Variants in UNC13C observed in about 807,000 individuals in gnomAD.
UNC13C encodes the protein unc-13 homolog C.
In UNC13C, 174 loss-of-function variants were observed where a neutral mutation model predicts 245.4. The observed-to-expected ratio is 0.71, with a 90% CI of 0.63 to 0.80. UNC13C has a LOEUF of 0.80. Ranked by LOEUF, UNC13C falls within the 30% of genes least tolerant of loss-of-function variation. UNC13C has a pLI of 0.00. For missense variants in UNC13C, 2,829 were observed against 2,602.9 expected (o/e 1.09, Z -1.89); for synonymous variants, 992 against 895.1 (o/e 1.11, Z -1.93).
At chr15:53,935,985 T>C in the UNC13C span, among the ~76,000 whole-genome samples, 3 of 152,172 alleles carry the variant, frequency 2.0e-5, no homozygotes, top group Non-Finnish European at 2.9e-5. Context: ...ATCTGATCAT[T>C]TATTCCCCTA....
chr15:54,475,240 G>C (rs1358374047), intron 19 of UNC13C, among the ~76,000 whole-genome samples: 2 of 150,806 alleles, frequency 1.3e-5, no homozygotes, highest in African/African-American at 4.9e-5. Context: ...AATATATTTT[G>C]AGTTTATTTT....
intron 22 of UNC13C, among the ~76,000 whole-genome samples, chr15:54,504,372 C>T (rs914111983): frequency 1.3e-5 from 2 of 152,068 alleles, no homozygotes; most frequent in Admixed American, 6.6e-5. Flanking sequence ...TCACTTTATA[C>T]ATTTTCTTAT....
the UNC13C span, among the ~76,000 whole-genome samples, chr15:53,908,193 T>C: frequency 6.8e-6 from 1 of 146,524 alleles, no homozygotes; most frequent in African/African-American, 2.4e-5. Flanking sequence ...ATCAGAAACA[T>C]GCATGTGTCC....
the UNC13C span, among the ~76,000 whole-genome samples, chr15:53,898,038 GCTCTATACAAATGTT>G: frequency 6.6e-6 from 1 of 152,238 alleles, no homozygotes; most frequent in African/African-American, 2.4e-5. Flanking sequence ...TAAAAATGCT[GCTCTATACAAATGTT>G]CTCTTATTGG....
At chr15:54,401,428 C>G (rs929176244) in intron 18 of UNC13C, among the ~76,000 whole-genome samples, 2 of 152,026 alleles carry the variant, frequency 1.3e-5, no homozygotes, top group African/African-American at 2.4e-5. Context: ...GTTGACGCAG[C>G]CTTATGAGAA....
intron 2 of UNC13C, among the ~76,000 whole-genome samples, chr15:54,046,921 A>T (rs999915687): frequency 2.6e-5 from 4 of 152,072 alleles, no homozygotes; most frequent in African/African-American, 9.6e-5. Context: ...TAGACATAGT[A>T]ATTCAGATAG....
At chr15:54,050,686 C>G in intron 2 of UNC13C, 1 of 530,234 alleles carries the variant, frequency 1.9e-6, no homozygotes, top group East Asian at 4.8e-5. Flanking sequence ...TCTTTGGAAA[C>G]CGGTGAAGAT....
intron 29 of UNC13C, among the ~76,000 whole-genome samples, chr15:54,566,577 G>T (rs990549671): frequency 6.6e-6 from 1 of 151,828 alleles, no homozygotes. Context: ...CCTGGGGAGG[G>T]TATCTATAAT....
intron 28 of UNC13C, among the ~76,000 whole-genome samples, chr15:54,552,732 TATA>T (rs1896864394): frequency 1.3e-5 from 1 of 76,928 alleles, no homozygotes; most frequent in Non-Finnish European, 2.2e-5. Context: ...CAATATATAA[TATA>T]ATATATATTA....
chr15:53,952,545 T>G, the UNC13C span, among the ~76,000 whole-genome samples: 2 of 152,214 alleles, frequency 1.3e-5, no homozygotes, highest in African/African-American at 2.4e-5. Context: ...GATGGTTATT[T>G]GAAACACCTT....
intron 19 of UNC13C, among the ~76,000 whole-genome samples, chr15:54,463,693 G>T (rs1281516434): frequency 6.6e-6 from 1 of 152,132 alleles, no homozygotes; most frequent in Admixed American, 6.5e-5. Context: ...TTTAAGAACT[G>T]TAACACTCAC....
intron 4 of UNC13C, among the ~76,000 whole-genome samples, chr15:54,231,373 T>C (rs536990380): frequency 5.3e-5 from 8 of 152,142 alleles, no homozygotes; most frequent in African/African-American, 1.9e-4. Flanking sequence ...ATATGAGTTT[T>C]AGAGATATAG....
intron 2 of UNC13C, among the ~76,000 whole-genome samples, chr15:54,051,660 A>T (rs115576825): frequency 0.04 from 5,968 of 150,088 alleles, 246 homozygotes; most frequent in South Asian, 0.12. Flanking sequence ...TTATTTATTT[A>T]TTTATTTTAA....
chr15:54,351,859 C>T (rs1490065512), intron 17 of UNC13C, among the ~76,000 whole-genome samples: 3 of 151,964 alleles, frequency 2.0e-5, no homozygotes, highest in African/African-American at 4.8e-5. Context: ...ATTAACAAAT[C>T]ACTCAGTAGC....
At chr15:54,199,990 A>G (rs897993917) in intron 4 of UNC13C, among the ~76,000 whole-genome samples, 2 of 152,142 alleles carry the variant, frequency 1.3e-5, no homozygotes, top group African/African-American at 2.4e-5. Flanking sequence ...GTGGAAAAAG[A>G]TATTCCATGC....
At chr15:54,416,857 C>T (rs1424458371) in intron 19 of UNC13C, 5 of 455,504 alleles carry the variant, frequency 1.1e-5, no homozygotes, top group Admixed American at 9.4e-5. Flanking sequence ...TACGGGTTAT[C>T]ATTGATTCCT....
chr15:54,152,120 C>T (rs1317445401), intron 4 of UNC13C, among the ~76,000 whole-genome samples: 1 of 152,168 alleles, frequency 6.6e-6, no homozygotes, highest in Non-Finnish European at 1.5e-5. Flanking sequence ...AAACTAAGGC[C>T]ATCAACATAA....
chr15:54,434,138 G>A (rs533960986), intron 19 of UNC13C, among the ~76,000 whole-genome samples: 11 of 152,110 alleles, frequency 7.2e-5, no homozygotes, highest in East Asian at 5.8e-4. Context: ...AATCAATATC[G>A]TGAAAATGGC....
At chr15:54,598,821 C>T (rs1170767815) in intron 30 of UNC13C, among the ~76,000 whole-genome samples, 1 of 152,098 alleles carries the variant, frequency 6.6e-6, no homozygotes, top group Non-Finnish European at 1.5e-5. Flanking sequence ...TTAGCAGACA[C>T]TCAGAAAATG....
Sources: allele counts gnomAD v4.1 joint callset (sites outside exome capture counted in the v4.1 genomes callset), GRCh38; gene constraint gnomAD v4.1.1; transcripts MANE v1.5; gene names NCBI Gene and HGNC (gene_info 2026-07-23, HGNC 2026-07-21).